Variants in TNFRSF8 observed in about 807,000 individuals in gnomAD.
TNFRSF8 encodes the protein TNF receptor superfamily member 8.
A neutral mutation model predicts 70.8 loss-of-function variants in TNFRSF8; 26 were observed. The ratio of observed to expected loss-of-function variants is 0.37; its 90% confidence interval spans 0.27 to 0.51. The LOEUF (loss-of-function observed/expected upper bound fraction) is 0.51. TNFRSF8 is among the 20% of genes least tolerant of loss of function. The probability of loss-of-function intolerance (pLI) is 0.94; values close to 1 mark genes in which losing one functional copy is unlikely to be tolerated. For synonymous variants in TNFRSF8, 356 were observed against 339.2 expected, an observed-to-expected ratio of 1.05 and a Z score of -0.54; for missense variants, 720 against 807.9, an observed-to-expected ratio of 0.89 and a Z score of 1.32.
intron 12 of TNFRSF8, among the ~76,000 whole-genome samples, chr1:12,129,406 C>G (rs1642005095): frequency 6.6e-6 from 1 of 152,186 alleles, no homozygotes; most frequent in South Asian, 2.1e-4. Flanking sequence ...GGAATTCACA[C>G]TGATACATGA....
At position 12,113,662 on chromosome 1, in the gene TNFRSF8, CGA is replaced by C. The variant is rs553602284; in HGVS notation, c.793+1661_793+1662del. Among the ~76,000 whole-genome samples, 41 of 130,936 alleles carry C rather than the reference CGA, an allele frequency of 3.1e-4. No homozygotes were observed. The highest frequency in any genetic ancestry group is 7.8e-4 in the African/African-American group (26 of 33,534). 85.9% of individuals were successfully genotyped at this position (130,936 alleles called of 152,430 possible). A position where few individuals can be genotyped will look rare whatever the true frequency, so the allele number is the denominator to read the frequency against. On this transcript the variant is annotated intron_variant, in intron 7 of 14. Transcript: ENST00000263932. The surrounding 1 kb of genome is among the most constrained non-coding windows in gnomAD (Gnocchi z 4.9). Reference sequence around the variant, plus strand: ...CAGAAAGAGAAAGAGACGGAGTGAGCGAGAGAGAGAGAGACAGAAAGACAGAA... The same window carrying C: ...CAGAAAGAGAAAGAGACGGAGTGAGCGAGAGAGAGAGACAGAAAGACAGAA...
At position 12,109,779 on chromosome 1, in the gene TNFRSF8, G is replaced by T; in HGVS notation, c.512+123G>T. ...GTGTAAGCGGGATTCAGCCCATGGT[G>T]TCAGCACTTTGGGGTGCCTCTCTGC... is the stretch of plus-strand genomic sequence containing the variant. On this transcript the variant is annotated intron_variant, in intron 5 of 14. Transcript: ENST00000263932. This position sits in a 1 kb window ranked among gnomAD's most constrained non-coding sequence, Gnocchi z 4.4. The T allele has an allele frequency of 1.1e-6, 1 of 918,868 alleles. No homozygotes were observed. The highest frequency in any genetic ancestry group is 1.7e-6 in the Non-Finnish European group (1 of 595,406). The allele number at this position is 918,868 out of a possible 1,614,324, so 56.9% of individuals were successfully genotyped here. A position where few individuals can be genotyped will look rare whatever the true frequency, so the allele number is the denominator to read the frequency against.
chr1:12,123,224 C>G (rs1316960201), intron 8 of TNFRSF8, 60 bp from the exon 9 acceptor site: 8 of 1,476,102 alleles, frequency 5.4e-6, no homozygotes, highest in Non-Finnish European at 7.4e-6. Flanking sequence ...CTGGTTAACT[C>G]TTTCCTGGAG....
intron 8 of TNFRSF8, among the ~76,000 whole-genome samples, chr1:12,121,817 G>A (rs1641833632): frequency 6.6e-6 from 1 of 152,222 alleles, no homozygotes; most frequent in South Asian, 2.1e-4. Context: ...GTTCAAACTG[G>A]AAACAACCCA....
intron 3 of TNFRSF8, among the ~76,000 whole-genome samples, chr1:12,101,416 G>T (rs559211013): frequency 7.0e-6 from 1 of 142,602 alleles, no homozygotes; most frequent in African/African-American, 2.9e-5. Flanking sequence ...AACAGAGCAA[G>T]ACCCTGTTTC....
intron 1 of TNFRSF8, among the ~76,000 whole-genome samples, chr1:12,082,575 CA>C (rs535984823): frequency 2.9e-4 from 42 of 144,874 alleles, no homozygotes; most frequent in Admixed American, 1.8e-3. Context: ...AAAAACAAAA[CA>C]AAAAAAACCC....
rs118117089 is a variant in TNFRSF8 at position 12,136,673 on chromosome 1, T to C, written c.1335+1060T>C. 5.3e-3 allele frequency among the ~76,000 whole-genome samples: 782 copies of C among 147,560 alleles called. 4 individuals are homozygous for C. Among genetic ancestry groups the C allele is most frequent in the East Asian group, 0.028 (142 of 5,084 alleles). Reference sequence around the variant, plus strand: ...TGAAAAAAAAAAAAAAAAAAGGCAGTCTTTTAGCCTTCATATTATTATGAA... The same window carrying C: ...TGAAAAAAAAAAAAAAAAAAGGCAGCCTTTTAGCCTTCATATTATTATGAA... On this transcript the variant is annotated intron_variant, in intron 13 of 14. Transcript: ENST00000263932.
intron 10 of TNFRSF8, among the ~76,000 whole-genome samples, chr1:12,124,551 C>T (rs958077294): frequency 4.6e-5 from 7 of 152,004 alleles, no homozygotes; most frequent in Non-Finnish European, 8.8e-5. Context: ...AGGCTGGACG[C>T]GGTGGCTCAC....
At chr1:12,097,299 T>C (rs1641348544) in intron 3 of TNFRSF8, 82 bp downstream of exon 3, 3 of 1,000,420 alleles carry the variant, frequency 3.0e-6, no homozygotes, top group Non-Finnish European at 4.7e-6. Flanking sequence ...ATCTGGAAGG[T>C]GGAGAGCATC....
intron 10 of TNFRSF8, 76 bp from the exon 11 acceptor site, chr1:12,125,875 A>T: frequency 8.8e-7 from 1 of 1,136,082 alleles, no homozygotes; most frequent in Non-Finnish European, 1.3e-6. Flanking sequence ...CAGGAGAAGG[A>T]GGAAGTCGTC....
In TNFRSF8 at chr1:12,126,249, C is replaced by A. The variant is rs765292946; in HGVS notation, c.1309+13C>A. The A allele has an allele frequency of 7.0e-5, 113 of 1,613,962 alleles. No homozygotes were observed. Among genetic ancestry groups the A allele is most frequent in the Admixed American group, 1.2e-4 (7 of 59,982 alleles). ...CTAGAGCTTGTGGGTGAGTGTCCAG[C>A]CGTCCAAAGGGGCTGCCCGAGCCAG... On this transcript the variant is annotated intron_variant, in intron 12 of 14. Transcript: ENST00000263932.
In TNFRSF8 at chr1:12,088,130, A is replaced by C. The variant is rs904891833; in HGVS notation, c.151+3579A>C. Among the ~76,000 whole-genome samples, 3 of 152,040 alleles carry C rather than the reference A, an allele frequency of 2.0e-5. No individual in the cohort carries two copies. Among genetic ancestry groups the C allele is most frequent in the Non-Finnish European group, 2.9e-5 (2 of 68,008 alleles). ...AAGCTGAGGGACCTTTGAGATTGAAAAATGTAGATGTCATCGAATCCCTCC... is the reference window on the plus strand; with the variant it reads ...AAGCTGAGGGACCTTTGAGATTGAACAATGTAGATGTCATCGAATCCCTCC... On this transcript the variant is annotated intron_variant, in intron 2 of 14. Transcript: ENST00000263932. The surrounding 1 kb of genome is among the most constrained non-coding windows in gnomAD (Gnocchi z 4.0).
rs1456938370 is a variant in TNFRSF8 at position 12,115,688 on chromosome 1, C to T, written c.905C>T (p.Pro302Leu). Reference protein sequence around the residue: ...SATNSCARCVPYPICAAETVT... With the variant: ...SATNSCARCVLYPICAAETVT... ...ACCAACTCCTGTGCCCGCTGTGTCCCCTACCCAATCTGTGCAGCAGAGACG... is the reference window on the plus strand; with the variant it reads ...ACCAACTCCTGTGCCCGCTGTGTCCTCTACCCAATCTGTGCAGCAGAGACG... The change falls in exon 8 of 15, where the codon CCC becomes CTC. Residue 302 changes from proline to leucine, a missense_variant. Pro to Leu is a moderately conservative substitution (Grantham distance 98, BLOSUM62 -3). Transcript: ENST00000263932. The T allele has an allele frequency of 3.1e-6, 5 of 1,614,222 alleles. No homozygotes were observed. In the Admixed American group the frequency reaches 6.7e-5, roughly 22 times the overall value.
rs778268656 is a variant in TNFRSF8, at chr1:12,125,971, A to G, written c.1174A>G (p.Ile392Val). 3.1e-6 allele frequency: 5 copies of G among 1,613,870 alleles called. No individual in the cohort carries two copies. Among genetic ancestry groups the G allele is most frequent in the Non-Finnish European group, 4.2e-6 (5 of 1,179,996 alleles). ...TCCAGGGCCAGTGCTCTTCTGGGTG[A>G]TCCTGGTGTTGGTTGTGGTGGTCGG... Reference protein sequence around the residue: ...LDAGPVLFWVILVLVVVVGSS... With the variant: ...LDAGPVLFWVVLVLVVVVGSS... Residue 392 changes from isoleucine to valine, a missense_variant, in exon 11 of 15, where the codon ATC becomes GTC. Physicochemically the swap from Ile to Val is conservative, Grantham distance 29 (BLOSUM62 3). Transcript: ENST00000263932.
At chr1:12,073,207 C>T (rs571696369) in intron 1 of TNFRSF8, among the ~76,000 whole-genome samples, 4 of 152,260 alleles carry the variant, frequency 2.6e-5, no homozygotes, top group South Asian at 2.1e-4. Context: ...TGTAGTGAGC[C>T]GTGTTCATGA....
Position 12,138,196 on chromosome 1 carries a change from T to G in TNFRSF8, c.1336-33T>G, listed in dbSNP as rs1570089366. 1 of 1,602,358 alleles carries G rather than the reference T, an allele frequency of 6.2e-7. No homozygotes were observed. The highest frequency in any genetic ancestry group is 8.5e-7 in the Non-Finnish European group (1 of 1,173,890). Reference sequence around the variant, plus strand: ...CAGAGACTGGTGGGGAGGTTGGGGGTACCCTGCAGCAGCACCCATTCCCGT... The same window carrying G: ...CAGAGACTGGTGGGGAGGTTGGGGGGACCCTGCAGCAGCACCCATTCCCGT... On this transcript the variant is annotated intron_variant, in intron 13 of 14. Transcript: ENST00000263932. The surrounding 1 kb of genome is among the most constrained non-coding windows in gnomAD (Gnocchi z 5.7).
At chr1:12,139,613 C>T (rs1413649774) in intron 14 of TNFRSF8, among the ~76,000 whole-genome samples, 3 of 152,204 alleles carry the variant, frequency 2.0e-5, no homozygotes, top group African/African-American at 7.2e-5. Context: ...CTTGGTGGAC[C>T]CCACCTCTGT....
intron 1 of TNFRSF8, chr1:12,078,046 AG>A (rs1308848643): frequency 6.6e-6 from 1 of 152,224 alleles, no homozygotes; most frequent in South Asian, 2.1e-4. Flanking sequence ...AATAGGATGG[AG>A]GGGAAGACAG....
At position 12,142,337 on chromosome 1, in the gene TNFRSF8, G is replaced by T; in HGVS notation, c.1594G>T (p.Ala532Ser). ...ADTVIVGTVK[A>S]ELPEGRGLAG... ...CACCGTGATCGTGGGGACCGTGAAGGCTGAGCTGCCGGAGGGCCGGGGCCT... is the reference window on the plus strand; with the variant it reads ...CACCGTGATCGTGGGGACCGTGAAGTCTGAGCTGCCGGAGGGCCGGGGCCT... The change falls in exon 15 of 15, where the codon GCT (alanine) becomes TCT (serine). Residue 532 changes from alanine to serine, a missense_variant. Transcript: ENST00000263932. The surrounding 1 kb of genome is among the most constrained non-coding windows in gnomAD (Gnocchi z 5.0). 9 of 1,606,826 alleles carry T rather than the reference G, an allele frequency of 5.6e-6. No homozygotes were observed. The highest frequency in any genetic ancestry group is 7.6e-6 in the Non-Finnish European group (9 of 1,176,812).
Sources: allele counts gnomAD v4.1 joint callset (sites outside exome capture counted in the v4.1 genomes callset), GRCh38; gene constraint gnomAD v4.1.1; non-coding constraint Gnocchi (gnomAD v3.1); transcripts MANE v1.5; gene names NCBI Gene and HGNC (gene_info 2026-07-23, HGNC 2026-07-21).